The following CXCL3 variants were observed in gnomAD, a reference collection of about 807,000 sequenced individuals.
CXCL3 encodes the protein C-X-C motif chemokine ligand 3.
CXCL3 carries 10 observed loss-of-function variants against 11.5 expected under a neutral mutation model. The ratio of observed to expected loss-of-function variants is 0.87; its 90% CI spans 0.54 to 1.48. The LOEUF is 1.48. CXCL3 is among the 40% of genes most tolerant of loss of function. CXCL3 has a pLI of 0.00. For missense variants in CXCL3, 149 were observed against 139.1 expected, an observed-to-expected ratio of 1.07 and a Z score of -0.36; for synonymous variants, 61 against 60.9, an observed-to-expected ratio of 1.00 and a Z score of -0.01.
chr4:74,037,785 G>A (rs1169775633), intron 3 of CXCL3: 2 of 369,108 alleles, frequency 5.4e-6, no homozygotes, highest in African/African-American at 4.3e-5. Context: ...AGGGACTGAG[G>A]TAAACGTCCC....
At chr4:74,037,797 A>C (rs1720029065) in intron 3 of CXCL3, 1 of 380,128 alleles carries the variant, frequency 2.6e-6, no homozygotes, top group Non-Finnish European at 4.8e-6. Flanking sequence ...AAACGTCCCA[A>C]AACAGGCAGG....
At chr4:74,037,325 C>T (rs375620855) in intron 3 of CXCL3, 48 bp from the exon 4 acceptor site, 4 of 1,612,778 alleles carry the variant, frequency 2.5e-6, no homozygotes, top group African/African-American at 2.7e-5. Context: ...GAAGGCTGCT[C>T]TTCTGTCACT....
At chr4:74,037,416 C>T (rs1399731765) in intron 3 of CXCL3, 139 bp from the exon 4 acceptor site, 1 of 776,662 alleles carries the variant, frequency 1.3e-6, no homozygotes, top group South Asian at 1.8e-5. Context: ...TACCCACTGC[C>T]TTCTATAGCA....
Sources: gnomAD v4.1 joint callset for allele counts on GRCh38, gnomAD v4.1.1 for gene constraint, MANE v1.5 for transcripts, NCBI Gene and HGNC (gene_info 2026-07-23, HGNC 2026-07-21) for gene names.